Variants in FAM20C observed in about 807,000 individuals in gnomAD.
The protein encoded by FAM20C is FAM20C golgi associated secretory pathway kinase.
A neutral mutation model predicts 51.5 loss-of-function variants in FAM20C; 40 were observed. The ratio of observed to expected loss-of-function variants is 0.78; its 90% CI spans 0.60 to 1.01. The LOEUF (loss-of-function observed/expected upper bound fraction) is 1.01, where lower values mean the gene tolerates loss of function less well. Ranked by LOEUF, FAM20C falls within the 50% of genes least tolerant of loss-of-function variation. The pLI is 0.00. For synonymous variants in FAM20C, 406 were observed against 380.6 expected (o/e 1.07, Z -0.78); for missense variants, 861 against 844.7 (o/e 1.02, Z -0.24).
At chr7:203,823 G>T (rs1249244773) in intron 2 of FAM20C, among the ~76,000 whole-genome samples, 1 of 152,166 alleles carries the variant, frequency 6.6e-6, no homozygotes, top group African/African-American at 2.4e-5. Context: ...TTACAAACCG[G>T]GATTACAAGC....
chr7:194,012 G>GA (rs1436355352), intron 1 of FAM20C: 2 of 791,902 alleles, frequency 2.5e-6, no homozygotes, highest in Non-Finnish European at 3.6e-6. Context: ...GCTGGTCCGG[G>GA]AGCTGTGCCC....
chr7:217,250 C>T (rs1787026167), intron 3 of FAM20C, among the ~76,000 whole-genome samples: 1 of 152,066 alleles, frequency 6.6e-6, no homozygotes, highest in Non-Finnish European at 1.5e-5. Context: ...CTGCGTGGGG[C>T]CTTCTGCGGG....
intron 3 of FAM20C, among the ~76,000 whole-genome samples, chr7:235,523 C>T (rs1351328449): frequency 3.9e-5 from 6 of 152,214 alleles, no homozygotes; most frequent in African/African-American, 1.2e-4. Flanking sequence ...TAATAATTTC[C>T]TTCTTCGAAT....
intron 3 of FAM20C, among the ~76,000 whole-genome samples, chr7:232,075 G>C (rs1787712385): frequency 6.6e-6 from 1 of 152,250 alleles, no homozygotes; most frequent in South Asian, 2.1e-4. Flanking sequence ...GAAGGCATCT[G>C]CCTCCCTCAT....
At chr7:229,739 C>T (rs779732459) in intron 3 of FAM20C, among the ~76,000 whole-genome samples, 6 of 152,174 alleles carry the variant, frequency 3.9e-5, no homozygotes, top group Non-Finnish European at 7.3e-5. Context: ...AGAGCTCTGC[C>T]GGCTGAAAGC....
chr7:242,642 C>T (rs1431790135), intron 3 of FAM20C, among the ~76,000 whole-genome samples: 1 of 152,114 alleles, frequency 6.6e-6, no homozygotes, highest in Non-Finnish European at 1.5e-5. Context: ...AGCTGCACTG[C>T]ACACCACTAG....
chr7:235,925 C>T (rs916274128), intron 3 of FAM20C, among the ~76,000 whole-genome samples: 123 of 152,342 alleles, frequency 8.1e-4, no homozygotes, highest in Non-Finnish European at 1.5e-3. Flanking sequence ...AGCCACGGTA[C>T]GCTCTGCTGC....
chr7:259,894 G>T lies in FAM20C; in HGVS notation c.1669G>T (p.Val557Phe). 2.6e-6 allele frequency: 4 copies of T among 1,535,770 alleles called. No homozygotes were observed. The South Asian group carries it at 3.6e-5, about 14-fold the overall frequency. Residue 557 changes from valine to phenylalanine, a missense_variant, in exon 10 of 10, where the codon GTC becomes TTC. This residue lies in a region of FAM20C where 269 missense variants were observed against 283.8 expected (regional missense o/e 0.95). Transcript: ENST00000313766. ...GCGGCTCCGCGTCGTGCTAAAGGCC[G>T]TCCGGGACTGCGTGGAGAGGAACGG... ...DRRLRVVLKA[V>F]RDCVERNGLH...
At chr7:241,606 C>G (rs3935501) in intron 3 of FAM20C, among the ~76,000 whole-genome samples, 85,585 of 150,706 alleles carry the variant, frequency 0.57, 25,350 homozygotes, top group African/African-American at 0.76. Context: ...GCATATATGT[C>G]CATGCACACG....
At chr7:204,605 C>T (rs1786267187) in intron 2 of FAM20C, among the ~76,000 whole-genome samples, 1 of 152,240 alleles carries the variant, frequency 6.6e-6, no homozygotes, top group Non-Finnish European at 1.5e-5. Context: ...CTGTGGAGAG[C>T]CCCCACACTG....
chr7:217,577 C>T (rs1442397152), intron 3 of FAM20C, among the ~76,000 whole-genome samples: 14 of 152,128 alleles, frequency 9.2e-5, no homozygotes, highest in Non-Finnish European at 5.9e-5. Flanking sequence ...AGACAGCTGC[C>T]TGGTGCAGGG....
At chr7:237,423 T>G (rs921120555) in intron 3 of FAM20C, among the ~76,000 whole-genome samples, 1 of 152,190 alleles carries the variant, frequency 6.6e-6, no homozygotes, top group Admixed American at 6.5e-5. Context: ...ACAGCAACAG[T>G]GGTGGAGATA....
intron 2 of FAM20C, among the ~76,000 whole-genome samples, chr7:200,585 C>T (rs1475199313): frequency 1.3e-5 from 2 of 152,214 alleles, no homozygotes; most frequent in East Asian, 1.9e-4. Context: ...GCGCACCTGC[C>T]GACTTTCCTT....
At chr7:206,454 T>C (rs541920970) in intron 2 of FAM20C, among the ~76,000 whole-genome samples, 7 of 152,370 alleles carry the variant, frequency 4.6e-5, no homozygotes, top group Non-Finnish European at 7.3e-5. Flanking sequence ...CACCCTCCCG[T>C]GCACTGTGAT....
At chr7:206,677 G>A in intron 2 of FAM20C, among the ~76,000 whole-genome samples, 1 of 134,082 alleles carries the variant, frequency 7.5e-6, no homozygotes, top group Non-Finnish European at 1.6e-5. Context: ...TGTCCCCTCG[G>A]CCCCGCACAC....
rs907420270 is a variant in FAM20C, at chr7:242,183, T to G, written c.864-4232T>G. ...AGCTCCTGCAGTGTACCAGGCCCTG[T>G]GTGTGCCCGTCCCGCAACAGCTCTG... On this transcript the variant is annotated intron_variant, in intron 3 of 9. Transcript: ENST00000313766. Among the ~76,000 whole-genome samples, 451 of 152,302 alleles carry G rather than the reference T, an allele frequency of 3.0e-3. 4 individuals are homozygous for G. The highest frequency in any genetic ancestry group is 0.017 in the Middle Eastern group (5 of 294).
intron 3 of FAM20C, among the ~76,000 whole-genome samples, chr7:217,024 A>C (rs28617772): frequency 0.89 from 134,770 of 152,134 alleles, 59,976 homozygotes; most frequent in South Asian, 0.93. Context: ...GCCCTGTGTC[A>C]TGTCTGACTG....
Position 243,862 on chromosome 7 carries a change from G to A in FAM20C, c.864-2553G>A, listed in dbSNP as rs555068126. Among the ~76,000 whole-genome samples the A allele has an allele frequency of 2.0e-5, 3 of 151,720 alleles. No individual in the cohort carries two copies. The South Asian group carries it at 6.2e-4, about 32-fold the overall frequency. ...CCAGTGGTGCAGGCCTTTGCTCCAG[G>A]GGCCTACAGTGAATTCTGACTGCCC... On this transcript the variant is annotated intron_variant, in intron 3 of 9. Transcript: ENST00000313766.
Position 193,773 on chromosome 7 carries a change from C to CTGT in FAM20C, c.575_576insGTT (p.Leu192_Ser193insPhe). 6.4e-7 allele frequency: 1 copy of CTGT among 1,552,434 alleles called. No individual in the cohort carries two copies. On this transcript the variant is annotated inframe_insertion, in exon 1 of 10. Transcript: ENST00000313766. ...GTTCAATGTGAACAGCGACACCAGG[C>CTGT]TCAGCCCCAAAGCGGCGGAGAACCC...
Sources: allele counts gnomAD v4.1 joint callset (sites outside exome capture counted in the v4.1 genomes callset), GRCh38; gene constraint gnomAD v4.1.1; regional missense constraint gnomAD v4.1.1; transcripts MANE v1.5; gene names NCBI Gene and HGNC (gene_info 2026-07-23, HGNC 2026-07-21).